Variants in DNHD1 observed in about 807,000 individuals in gnomAD.
The protein encoded by DNHD1 is dynein heavy chain domain 1.
A neutral mutation model predicts 458.1 loss-of-function variants in DNHD1; 383 were observed. The ratio of observed to expected loss-of-function variants is 0.84; its 90% CI spans 0.77 to 0.91. The LOEUF (loss-of-function observed/expected upper bound fraction) is 0.91, where lower values mean the gene tolerates loss of function less well. Among genes scored for constraint, DNHD1 ranks in the 40% least tolerant of loss-of-function variants. The pLI is 0.00. For synonymous variants in DNHD1, 2,203 were observed against 2,376.9 expected (o/e 0.93, Z 2.13); for missense variants, 5,336 against 5,866.1 (o/e 0.91, Z 2.95).
At chr11:6,514,528 CCTCCCTTT>C (rs1392004827) in intron 7 of DNHD1, among the ~76,000 whole-genome samples, 1 of 150,190 alleles carries the variant, frequency 6.7e-6, no homozygotes, top group Non-Finnish European at 1.5e-5. Flanking sequence ...TTCCTCCCTT[CCTCCCTTT>C]TTCTCTCCCT....
chr11:6,543,058 G>C (rs1853132127), intron 18 of DNHD1, among the ~76,000 whole-genome samples: 3 of 152,204 alleles, frequency 2.0e-5, no homozygotes, highest in Admixed American at 2.0e-4. Flanking sequence ...GGGCCTCTTT[G>C]CCTCCTCACA....
intron 10 of DNHD1, among the ~76,000 whole-genome samples, chr11:6,525,354 G>A (rs868228018): frequency 1.3e-5 from 2 of 152,276 alleles, no homozygotes; most frequent in South Asian, 4.1e-4. Context: ...CATGGGAGAT[G>A]GTTCTACAAC....
At position 6,548,444 on chromosome 11, in the gene DNHD1, G is replaced by A. The variant is rs1029284455; in HGVS notation, c.7098+42G>A. 8 of 1,539,804 alleles carry A rather than the reference G, an allele frequency of 5.2e-6. No individual in the cohort carries two copies. The African/African-American group carries it at 1.1e-4, about 21-fold the overall frequency. On this transcript the variant is annotated intron_variant, in intron 23 of 42. Transcript: ENST00000254579. The surrounding 1 kb of genome is among the most constrained non-coding windows in gnomAD (Gnocchi z 4.4). Reference sequence around the variant, plus strand: ...GCAAGAGCTGGGGTTAGAACTTCAGGACTTATTTTAGGGGTAATCCATGTT... The same window carrying A: ...GCAAGAGCTGGGGTTAGAACTTCAGAACTTATTTTAGGGGTAATCCATGTT...
chr11:6,508,495 A>C (rs1852270509), intron 4 of DNHD1: 2 of 174,144 alleles, frequency 1.1e-5, no homozygotes, highest in African/African-American at 4.8e-5. Flanking sequence ...ATCATCTCTA[A>C]AATTGTGATG....
rs1853533675 is a variant in DNHD1 at position 6,559,230 on chromosome 11, A to G, written c.9466A>G (p.Thr3156Ala). The G allele has an allele frequency of 6.4e-7, 1 of 1,551,692 alleles. No individual in the cohort carries two copies. Residue 3156 changes from threonine to alanine, a missense_variant, in exon 28 of 43, where the codon ACC (threonine) becomes GCC (alanine). Physicochemically the swap from Thr to Ala is moderately conservative, Grantham distance 58. Transcript: ENST00000254579. ...NLRMLIKEHG[T>A]HANLIFDLEQ... ...GAGAATGCTGATTAAGGAGCACGGTACCCATGCCAATCTGATCTTTGACTT... is the reference window on the plus strand; with the variant it reads ...GAGAATGCTGATTAAGGAGCACGGTGCCCATGCCAATCTGATCTTTGACTT...
At position 6,511,303 on chromosome 11, in the gene DNHD1, G is replaced by A. The variant is rs1852331204; in HGVS notation, c.1266G>A (p.Trp422Ter). The A allele has an allele frequency of 6.2e-7, 1 of 1,614,096 alleles. No individual in the cohort carries two copies. Among genetic ancestry groups the A allele is most frequent in the Non-Finnish European group, 8.5e-7 (1 of 1,180,040 alleles). ...RLLQELHSVS[W>*]LPQELDRCYE... is the part of the protein sequence containing the mutation. ...TGCAGGAGCTACACTCTGTGTCCTG[G>A]CTACCCCAGGAACTGGATCGGTGCT... Residue 422 changes from tryptophan (W) to a stop codon, truncating the protein, a stop_gained, in exon 7 of 43, where the codon TGG (tryptophan) becomes TGA (stop). Coordinates refer to ENST00000254579, the MANE Select transcript of DNHD1 (RefSeq NM_144666.3). LOFTEE classifies it high-confidence loss of function.
In DNHD1 at chr11:6,519,150, C is replaced by T. The variant is rs892479430; in HGVS notation, c.1393-450C>T. 3.3e-5 allele frequency among the ~76,000 whole-genome samples: 5 copies of T among 152,176 alleles called. No homozygotes were observed. The South Asian group carries it at 8.3e-4, about 25-fold the overall frequency. ...GAAAGTCTATATCAGTGCCCAGAAA[C>T]AGCTTCTATTATAACATAAACCAAT... On this transcript the variant is annotated intron_variant, in intron 7 of 42. Coordinates refer to ENST00000254579, the MANE Select transcript of DNHD1 (RefSeq NM_144666.3).
chr11:6,565,477 ATCATT>A (rs1179619204), intron 32 of DNHD1, among the ~76,000 whole-genome samples: 1 of 152,350 alleles, frequency 6.6e-6, no homozygotes, highest in Admixed American at 6.5e-5. Context: ...TTTTCTATGT[ATCATT>A]TCATTTAATC....
At position 6,571,471 on chromosome 11, in the gene DNHD1, T is replaced by A. The variant is rs1165797584; in HGVS notation, c.13911+48T>A. 3 of 1,506,660 alleles carry A rather than the reference T, an allele frequency of 2.0e-6. No homozygotes were observed. The South Asian group carries it at 4.0e-5, about 20-fold the overall frequency. 93.3% of individuals were successfully genotyped at this position (1,506,660 alleles called of 1,614,324 possible). ...TCGCGGTTCCAGTCCCCTCGAAGTC[T>A]CTAATTACACCTCGCAGTTACCCCT... On this transcript the variant is annotated intron_variant, in intron 42 of 42. Transcript: ENST00000254579. This position sits in a 1 kb window ranked among gnomAD's most constrained non-coding sequence, Gnocchi z 5.0.
rs528195018 is a variant in DNHD1, at chr11:6,512,432, C to T, written c.1392+1003C>T. ...AGAGATGGGGTTTCACTGTGTTAGC[C>T]AGGATGGTCTTGATCTCCTGACCTT... is the stretch of plus-strand genomic sequence containing the variant. On this transcript the variant is annotated intron_variant, in intron 7 of 42. Transcript: ENST00000254579. Among the ~76,000 whole-genome samples the T allele has an allele frequency of 5.3e-5, 8 of 151,734 alleles. No individual in the cohort carries two copies. The South Asian group carries it at 1.0e-3, about 20-fold the overall frequency.
Position 6,499,858 on chromosome 11 carries a change from G to A in DNHD1, c.746+897G>A, listed in dbSNP as rs527999611. ...TGGGATTACAGGCGTGAGTCACTGCGCCCGGCCCTATTGTTTTCTTTTTTA... is the reference window on the plus strand; with the variant it reads ...TGGGATTACAGGCGTGAGTCACTGCACCCGGCCCTATTGTTTTCTTTTTTA... On this transcript the variant is annotated intron_variant, in intron 3 of 42. Coordinates refer to ENST00000254579, the MANE Select transcript of DNHD1 (RefSeq NM_144666.3). Among the ~76,000 whole-genome samples, 270 of 152,052 alleles carry A rather than the reference G, an allele frequency of 1.8e-3. 2 individuals carry two copies. The highest frequency in any genetic ancestry group is 6.1e-3 in the African/African-American group (253 of 41,476).
intron 18 of DNHD1, among the ~76,000 whole-genome samples, 183 bp downstream of exon 18, chr11:6,540,266 C>T (rs1400544001): frequency 6.6e-6 from 1 of 152,192 alleles, no homozygotes; most frequent in Non-Finnish European, 1.5e-5. Context: ...GTCTTAATCT[C>T]CTTGGGATCC....
Position 6,505,593 on chromosome 11 carries a change from CT to C in DNHD1, c.920+2670del, listed in dbSNP as rs1448403293. On this transcript the variant is annotated intron_variant, in intron 4 of 42. Transcript: ENST00000254579. The surrounding 1 kb of genome is among the most constrained non-coding windows in gnomAD (Gnocchi z 4.4). ...AAACACATTCTCTTTATTAAATTCA[CT>C]TTGTTGAAATGCCTAGTATGGTTTC... 7.9e-5 allele frequency among the ~76,000 whole-genome samples: 12 copies of C among 152,136 alleles called. No individual in the cohort carries two copies. Among genetic ancestry groups the C allele is most frequent in the African/African-American group, 2.4e-4 (10 of 41,430 alleles).
In DNHD1 at chr11:6,563,005, G is replaced by C. The variant is rs1283859250; in HGVS notation, c.9543G>C (p.Gln3181His). ...SGKSLSMFQQQLEQSKLLYKQ... is the reference protein window; with the variant it reads ...SGKSLSMFQQHLEQSKLLYKQ... Reference sequence around the variant, plus strand: ...AGAGTCTCAGCATGTTTCAGCAGCAGCTAGAGCAAAGCAAGCTCCTATACA... The same window carrying C: ...AGAGTCTCAGCATGTTTCAGCAGCACCTAGAGCAAAGCAAGCTCCTATACA... Residue 3181 changes from glutamine to histidine, a missense_variant, in exon 29 of 43, where the codon CAG (glutamine) becomes CAC (histidine). By Grantham distance (24) the Gln-to-His change is conservative. This residue lies in a region of DNHD1 where 3,932 missense variants were observed against 4,365.6 expected (regional missense o/e 0.90). Coordinates refer to ENST00000254579, the MANE Select transcript of DNHD1 (RefSeq NM_144666.3). The C allele has an allele frequency of 1.9e-6, 3 of 1,551,694 alleles. No individual in the cohort carries two copies. Among genetic ancestry groups the C allele is most frequent in the Non-Finnish European group, 2.6e-6 (3 of 1,146,988 alleles).
chr11:6,571,091 GCT>G lies in DNHD1; in HGVS notation c.13584_13585del (p.Trp4529AspfsTer46). 2.5e-6 allele frequency: 4 copies of G among 1,591,448 alleles called. No homozygotes were observed. Among genetic ancestry groups the G allele is most frequent in the Non-Finnish European group, 3.4e-6 (4 of 1,168,974 alleles). On this transcript the variant is annotated frameshift_variant, in exon 42 of 43. Coordinates refer to ENST00000254579, the MANE Select transcript of DNHD1 (RefSeq NM_144666.3). LOFTEE classifies it high-confidence loss of function. This position sits in a 1 kb window ranked among gnomAD's most constrained non-coding sequence, Gnocchi z 5.0. ...CCGCCGCTGTGCTGCGGTGGCCCAC[GCT>G]CTCTGGACTGGCCGCCTACCCTTGC... ...PSRRCAAVAH[A>X]LWTGRLPLPW...
At position 6,540,008 on chromosome 11, in the gene DNHD1, C is replaced by G; in HGVS notation, c.3553C>G (p.Arg1185Gly). The change falls in exon 18 of 43, where the codon CGC (arginine) becomes GGC (glycine). Residue 1185 changes from arginine (R) to glycine (G), a missense_variant. Physicochemically the swap from Arg to Gly is moderately radical, Grantham distance 125. Coordinates refer to ENST00000254579, the MANE Select transcript of DNHD1 (RefSeq NM_144666.3). ...ACCCTACGAGCCCCCAGCCTCAGAG[C>G]GCTCCAAGAGGCAGGTGCTCCGCAG... ...HVPYEPPASE[R>G]SKRQVLRSPQ... is the part of the protein sequence containing the mutation. 1 of 1,551,600 alleles carries G rather than the reference C, an allele frequency of 6.4e-7. No individual in the cohort carries two copies. Among genetic ancestry groups the G allele is most frequent in the Non-Finnish European group, 8.7e-7 (1 of 1,146,848 alleles).
rs775045377 is a variant in DNHD1 at position 6,558,630 on chromosome 11, G to C, written c.9148G>C (p.Ala3050Pro). The change falls in exon 26 of 43, where the codon GCT (alanine) becomes CCT (proline). Residue 3050 changes from alanine (A) to proline (P), a missense_variant. Physicochemically the swap from Ala to Pro is conservative, Grantham distance 27 (BLOSUM62 -1). Transcript: ENST00000254579. ...SIDRYEPWDQ[A>P]ALAKVAQHHL... ...TGACCGCTATGAACCCTGGGACCAA[G>C]CTGCCCTGGCCAAGGTGGCCCAGCA... The C allele has an allele frequency of 6.4e-7, 1 of 1,551,670 alleles. No individual in the cohort carries two copies. The highest frequency in any genetic ancestry group is 1.2e-5 in the South Asian group (1 of 84,064).
chr11:6,547,369 C>T lies in DNHD1; in HGVS notation c.6430C>T (p.Leu2144=). 1 of 1,551,764 alleles carries T rather than the reference C, an allele frequency of 6.4e-7. No individual in the cohort carries two copies. The highest frequency in any genetic ancestry group is 8.7e-7 in the Non-Finnish European group (1 of 1,147,008). The change falls in exon 21 of 43, where the codon CTA becomes TTA. Residue 2144 remains leucine, a synonymous_variant. Coordinates refer to ENST00000254579, the MANE Select transcript of DNHD1 (RefSeq NM_144666.3). The stretch of plus-strand genomic sequence containing the variant: ...CCCCACAGTGGTAGGCTGTTGTGCC[C>T]TAGTCTGGTGTGGTGGAGAGCAGAC... ...ISPTVVGCCA[L]VWCGGEQTWQ...
At chr11:6,513,447 T>C (rs1852387449) in intron 7 of DNHD1, among the ~76,000 whole-genome samples, 1 of 152,236 alleles carries the variant, frequency 6.6e-6, no homozygotes. Context: ...GAATTTCATG[T>C]AACTAGAATT....
Sources: allele counts gnomAD v4.1 joint callset (sites outside exome capture counted in the v4.1 genomes callset), GRCh38; gene constraint gnomAD v4.1.1; regional missense constraint gnomAD v4.1.1; non-coding constraint Gnocchi (gnomAD v3.1); transcripts MANE v1.5; gene names NCBI Gene and HGNC (gene_info 2026-07-23, HGNC 2026-07-21).